The following SSBP2 variants were observed in gnomAD, a reference collection of about 807,000 sequenced individuals.
SSBP2 encodes the protein single stranded DNA binding protein 2.
In SSBP2, 17 loss-of-function variants were observed where a neutral mutation model predicts 61.8. That is an observed-to-expected ratio of 0.28 (90% CI 0.19 to 0.41). The LOEUF is 0.41. Among genes scored for constraint, SSBP2 ranks in the 10% least tolerant of loss-of-function variants. SSBP2 has a pLI of 1.00. For missense variants in SSBP2, 310 were observed against 458.7 expected (o/e 0.68, Z 2.96); for synonymous variants, 139 against 141.3 (o/e 0.98, Z 0.12).
intron 4 of SSBP2, among the ~76,000 whole-genome samples, chr5:81,539,710 C>T (rs985504373): frequency 2.0e-5 from 3 of 152,150 alleles, no homozygotes; most frequent in Admixed American, 6.5e-5. Context: ...GATTTTGACT[C>T]ACTGAAGGCT....
At chr5:81,648,950 TCA>T (rs1749501491) in intron 2 of SSBP2, among the ~76,000 whole-genome samples, 1 of 152,078 alleles carries the variant, frequency 6.6e-6, no homozygotes, top group African/African-American at 2.4e-5. Flanking sequence ...ATTCTTTTGT[TCA>T]CACTGTCTTT....
intron 4 of SSBP2, among the ~76,000 whole-genome samples, chr5:81,579,894 T>A (rs145120505): frequency 6.6e-6 from 1 of 152,168 alleles, no homozygotes; most frequent in Non-Finnish European, 1.5e-5. Flanking sequence ...ATAGGCCTCT[T>A]TGCACCACAT....
At chr5:81,613,570 A>G (rs1407470085) in intron 4 of SSBP2, among the ~76,000 whole-genome samples, 2 of 152,224 alleles carry the variant, frequency 1.3e-5, no homozygotes, top group Non-Finnish European at 2.9e-5. Context: ...ACAGTAGGGT[A>G]CATCTTTCTA....
At position 81,668,248 on chromosome 5, in the gene SSBP2, T is replaced by TAAA. The variant is rs11332987; in HGVS notation, c.63-17912_63-17910dup. 7.4e-3 allele frequency among the ~76,000 whole-genome samples: 698 copies of TAAA among 94,866 alleles called. 5 individuals carry two copies. Among genetic ancestry groups the TAAA allele is most frequent in the African/African-American group, 0.022 (529 of 24,108 alleles). The allele number at this position is 94,866 out of a possible 152,430, so 62.2% of individuals were successfully genotyped here. On this transcript the variant is annotated intron_variant, in intron 1 of 16. Coordinates refer to ENST00000320672, the MANE Select transcript of SSBP2 (RefSeq NM_012446.5). ...TAAAGATAGAGCTTATATGGAAGTT[T>TAAA]AAAAAAAAAAAAAAAAAAAAAAAAA...
intron 1 of SSBP2, among the ~76,000 whole-genome samples, chr5:81,669,313 G>C (rs1751403777): frequency 6.6e-6 from 1 of 152,086 alleles, no homozygotes; most frequent in Admixed American, 6.6e-5. Context: ...ATCAGGAATT[G>C]TACTCCTTGG....
At chr5:81,585,875 T>C (rs776173460) in intron 4 of SSBP2, among the ~76,000 whole-genome samples, 1 of 152,204 alleles carries the variant, frequency 6.6e-6, no homozygotes, top group South Asian at 2.1e-4. Flanking sequence ...TTCATTTTTT[T>C]AGATATGAGA....
chr5:81,487,415 A>C (rs549018458), intron 6 of SSBP2, among the ~76,000 whole-genome samples: 1 of 152,120 alleles, frequency 6.6e-6, no homozygotes, highest in Non-Finnish European at 1.5e-5. Context: ...AAAATGTTGG[A>C]AGATTTTATT....
chr5:81,557,665 C>A (rs1050573241), intron 4 of SSBP2, among the ~76,000 whole-genome samples: 2 of 152,134 alleles, frequency 1.3e-5, no homozygotes, highest in African/African-American at 4.8e-5. Context: ...TGCATTTTTC[C>A]ATCTCTAAAT....
chr5:81,725,769 A>C (rs952554140), intron 1 of SSBP2, among the ~76,000 whole-genome samples: 16 of 152,250 alleles, frequency 1.1e-4, no homozygotes, highest in Non-Finnish European at 1.6e-4. Flanking sequence ...ATTTGCTTCA[A>C]AATAATACAG....
chr5:81,747,698 G>C (rs1200729129), intron 1 of SSBP2, among the ~76,000 whole-genome samples: 2 of 151,866 alleles, frequency 1.3e-5, no homozygotes, highest in Non-Finnish European at 2.9e-5. Flanking sequence ...GTATTAGAAG[G>C]CACCTTAATG....
rs147747262 is a variant in SSBP2, at chr5:81,482,927, C to A, written c.432+6323G>T. ...CTTCTGATTTAAAGTGAGCGATGTG[C>A]GACTCTTCTTTTCACTTGAACACTT... On this transcript the variant is annotated intron_variant, in intron 6 of 16. Transcript: ENST00000320672. Among the ~76,000 whole-genome samples, 877 of 152,204 alleles carry A rather than the reference C, an allele frequency of 5.8e-3. 4 individuals carry two copies. Among genetic ancestry groups the A allele is most frequent in the African/African-American group, 0.019 (807 of 41,518 alleles).
intron 1 of SSBP2, among the ~76,000 whole-genome samples, chr5:81,652,374 T>A (rs989546581): frequency 1.3e-5 from 2 of 152,142 alleles, no homozygotes; most frequent in African/African-American, 4.8e-5. Context: ...TAAGTGACAG[T>A]CCTCACTTTC....
rs190278908 is a variant in SSBP2 at position 81,650,212 on chromosome 5, T to C, written c.135+55A>G. 44 of 1,234,280 alleles carry C rather than the reference T, an allele frequency of 3.6e-5. No homozygotes were observed. In the African/African-American group the frequency reaches 5.5e-4, roughly 16 times the overall value. The allele number at this position is 1,234,280 out of a possible 1,614,324, so 76.5% of individuals were successfully genotyped here. ...TTTTCAAATAATTATTATAGTGTGT[T>C]TTCCATTCATTTATATAAGATCAAA... On this transcript the variant is annotated intron_variant, in intron 2 of 16. Transcript: ENST00000320672.
chr5:81,684,622 T>C (rs777758269), intron 1 of SSBP2, among the ~76,000 whole-genome samples: 28 of 152,170 alleles, frequency 1.8e-4, no homozygotes, highest in Non-Finnish European at 4.1e-4. Context: ...GTTTTATACA[T>C]GCATGGGGCC....
At position 81,491,675 on chromosome 5, in the gene SSBP2, T is replaced by C. The variant is rs114976387; in HGVS notation, c.373-2366A>G. Among the ~76,000 whole-genome samples the C allele has an allele frequency of 8.5e-3, 1,297 of 152,004 alleles. 13 individuals carry two copies. Among genetic ancestry groups the C allele is most frequent in the African/African-American group, 0.029 (1,208 of 41,452 alleles). ...TTAGTCAATTTATTACTCTTATATG[T>C]CCTCCTTTAAGTTCAAATTTGTATG... On this transcript the variant is annotated intron_variant, in intron 5 of 16. Coordinates refer to ENST00000320672, the MANE Select transcript of SSBP2 (RefSeq NM_012446.5).
intron 15 of SSBP2, among the ~76,000 whole-genome samples, chr5:81,432,137 G>C (rs1472595744): frequency 6.6e-6 from 1 of 152,104 alleles, no homozygotes; most frequent in Non-Finnish European, 1.5e-5. Flanking sequence ...GACTCTGCTA[G>C]CTCCCTCAAA....
intron 1 of SSBP2, among the ~76,000 whole-genome samples, chr5:81,687,149 C>T (rs181200361): frequency 1.1e-3 from 171 of 152,322 alleles, no homozygotes; most frequent in African/African-American, 3.9e-3. Context: ...CCCGATCACC[C>T]GGCAGCGGCC....
intron 6 of SSBP2, among the ~76,000 whole-genome samples, chr5:81,481,107 T>C (rs1188188348): frequency 6.6e-6 from 1 of 152,198 alleles, no homozygotes; most frequent in East Asian, 1.9e-4. Context: ...CTTCCTTCAC[T>C]CAGGTCTTGA....
intron 5 of SSBP2, among the ~76,000 whole-genome samples, chr5:81,495,455 C>T (rs567925754): frequency 3.3e-5 from 5 of 152,166 alleles, no homozygotes; most frequent in Non-Finnish European, 5.9e-5. Context: ...CTTTTCTCTG[C>T]CAAGTAAATT....
Sources: allele counts gnomAD v4.1 joint callset (sites outside exome capture counted in the v4.1 genomes callset), GRCh38; gene constraint gnomAD v4.1.1; transcripts MANE v1.5; gene names NCBI Gene and HGNC (gene_info 2026-07-23, HGNC 2026-07-21).